The following SMIM3 variants were observed in gnomAD, a reference collection of about 807,000 sequenced individuals.
SMIM3 encodes the protein NGF-induced differentiation clone 67 protein.
Under a neutral mutation model 2.1 loss-of-function variants are expected in SMIM3, and 4 were observed. The observed-to-expected ratio is 1.89, with a 90% confidence interval of 0.93 to 4.31. The LOEUF (loss-of-function observed/expected upper bound fraction) is 4.31. SMIM3 is among the 30% of genes most tolerant of loss of function. The pLI, the probability that SMIM3 is intolerant of heterozygous loss-of-function variation, is 0.01. For missense variants in SMIM3, 79 were observed against 77.7 expected (o/e 1.02, Z -0.06); for synonymous variants, 29 against 30.8 (o/e 0.94, Z 0.19).
At chr5:150,790,801 G>A (rs965843176) in intron 1 of SMIM3, among the ~76,000 whole-genome samples, 3 of 152,180 alleles carry the variant, frequency 2.0e-5, no homozygotes, top group Non-Finnish European at 4.4e-5. Context: ...TGTATGGATT[G>A]AGACCCAGAA....
intron 1 of SMIM3, among the ~76,000 whole-genome samples, chr5:150,792,433 A>C (rs1753358258): frequency 6.6e-6 from 1 of 152,234 alleles, no homozygotes; most frequent in African/African-American, 2.4e-5. Context: ...GATATTTGAC[A>C]ACATCTCTCA....
intron 1 of SMIM3, among the ~76,000 whole-genome samples, chr5:150,781,890 C>T (rs77021941): frequency 0.014 from 2,201 of 152,330 alleles, 46 homozygotes; most frequent in African/African-American, 0.049. Context: ...GGGATTTGGC[C>T]TGGGCTTTCT....
chr5:150,790,411 C>G (rs1318650820), intron 1 of SMIM3, among the ~76,000 whole-genome samples: 2 of 152,112 alleles, frequency 1.3e-5, no homozygotes, highest in African/African-American at 2.4e-5. Context: ...AATGATTTAT[C>G]CCGCCCCCGG....
At chr5:150,792,512 T>G (rs1753359064) in intron 1 of SMIM3, among the ~76,000 whole-genome samples, 1 of 152,234 alleles carries the variant, frequency 6.6e-6, no homozygotes. Context: ...TGCCTTTTGT[T>G]AATGTTATAA....
chr5:150,795,833 T>C lies in SMIM3; in HGVS notation c.*210T>C. 1.7e-6 allele frequency: 1 copy of C among 590,980 alleles called. No individual in the cohort carries two copies. The highest frequency in any genetic ancestry group is 3.0e-6 in the Non-Finnish European group (1 of 334,998). The allele number at this position is 590,980 out of a possible 1,614,324, so 36.6% of individuals were successfully genotyped here. On this transcript the variant is annotated 3_prime_UTR_variant, in exon 2 of 2. Coordinates refer to ENST00000526627, the MANE Select transcript of SMIM3 (RefSeq NM_032947.5). ...TCTTTCAAATGGGGATGGTGATCCCTGCCCTTTCTACCTCATAGGGATGTG... is the reference window on the plus strand; with the variant it reads ...TCTTTCAAATGGGGATGGTGATCCCCGCCCTTTCTACCTCATAGGGATGTG...
At position 150,793,088 on chromosome 5, in the gene SMIM3, T is replaced by C. The variant is rs141961094; in HGVS notation, c.-11-2342T>C. 2.4e-3 allele frequency among the ~76,000 whole-genome samples: 370 copies of C among 152,280 alleles called. 2 individuals carry two copies. The highest frequency in any genetic ancestry group is 8.5e-3 in the African/African-American group (355 of 41,546). ...GTTAGGCCATAAATACATATTAAGT[T>C]GTTTGATTGTGTCATCTATGATTTC... On this transcript the variant is annotated intron_variant, in intron 1 of 1. Transcript: ENST00000526627.
At chr5:150,783,394 C>A (rs1753256620) in intron 1 of SMIM3, among the ~76,000 whole-genome samples, 1 of 152,208 alleles carries the variant, frequency 6.6e-6, no homozygotes, top group Non-Finnish European at 1.5e-5. Context: ...AGTCCTGTGC[C>A]CTGGGAACCA....
intron 1 of SMIM3, among the ~76,000 whole-genome samples, chr5:150,788,900 G>T (rs1403440094): frequency 1.3e-5 from 2 of 152,112 alleles, no homozygotes; most frequent in South Asian, 2.1e-4. Flanking sequence ...TTTTCTGCTG[G>T]TGAGCTCAGG....
chr5:150,790,608 G>A (rs910379970), intron 1 of SMIM3, among the ~76,000 whole-genome samples: 1 of 152,160 alleles, frequency 6.6e-6, no homozygotes, highest in Non-Finnish European at 1.5e-5. Context: ...AACTTGCCCA[G>A]ATCTGCCCAG....
In SMIM3 at chr5:150,790,680, G is replaced by C. The variant is rs1581622722; in HGVS notation, c.-11-4750G>C. 2.0e-5 allele frequency among the ~76,000 whole-genome samples: 3 copies of C among 152,282 alleles called. No individual in the cohort carries two copies. The South Asian group carries it at 6.2e-4, about 32-fold the overall frequency. On this transcript the variant is annotated intron_variant, in intron 1 of 1. Transcript: ENST00000526627. ...CTTAATGCCAGAAAAGGCCTTAGGG[G>C]TCTTAAAGATTTGTTGAGTCCAGAG...
intron 1 of SMIM3, among the ~76,000 whole-genome samples, chr5:150,782,373 C>G (rs1237919026): frequency 6.6e-6 from 1 of 152,158 alleles, no homozygotes; most frequent in African/African-American, 2.4e-5. Flanking sequence ...AACCTGCCCC[C>G]ACTTTTATCA....
intron 1 of SMIM3, among the ~76,000 whole-genome samples, chr5:150,782,603 TG>T (rs2113198755): frequency 6.6e-6 from 1 of 152,198 alleles, no homozygotes; most frequent in Non-Finnish European, 1.5e-5. Context: ...ATGTACAGGG[TG>T]GGCTGGGGAA....
intron 1 of SMIM3, among the ~76,000 whole-genome samples, chr5:150,779,955 C>T (rs1753214851): frequency 6.6e-6 from 1 of 151,940 alleles, no homozygotes. Context: ...TCCTGCTGCA[C>T]CTGGGGGCTG....
chr5:150,792,674 A>G (rs1474555760), intron 1 of SMIM3, among the ~76,000 whole-genome samples: 1 of 152,216 alleles, frequency 6.6e-6, no homozygotes, highest in African/African-American at 2.4e-5. Flanking sequence ...AGCTGGGACT[A>G]CAGATATAAG....
intron 1 of SMIM3, among the ~76,000 whole-genome samples, chr5:150,781,739 C>T (rs757731648): frequency 4.0e-5 from 6 of 151,658 alleles, no homozygotes; most frequent in Non-Finnish European, 8.8e-5. Flanking sequence ...ACTACCACCG[C>T]CCGGTGCTCT....
At chr5:150,782,876 C>G (rs1327023798) in intron 1 of SMIM3, among the ~76,000 whole-genome samples, 1 of 152,128 alleles carries the variant, frequency 6.6e-6, no homozygotes, top group Non-Finnish European at 1.5e-5. Context: ...GTGATAGGTG[C>G]TGAGGACACA....
At chr5:150,791,002 A>T (rs529023581) in intron 1 of SMIM3, among the ~76,000 whole-genome samples, 19 of 152,190 alleles carry the variant, frequency 1.2e-4, no homozygotes, top group Non-Finnish European at 1.9e-4. Flanking sequence ...CCCAGTTGGC[A>T]TAAAAAATTA....
At chr5:150,788,650 GA>G (rs976831442) in intron 1 of SMIM3, among the ~76,000 whole-genome samples, 1 of 141,820 alleles carries the variant, frequency 7.1e-6, no homozygotes. Context: ...AAAAAAAAAA[GA>G]AAAAAAAGAA....
intron 1 of SMIM3, among the ~76,000 whole-genome samples, chr5:150,780,517 C>T (rs1455781714): frequency 6.6e-6 from 1 of 152,184 alleles, no homozygotes; most frequent in African/African-American, 2.4e-5. Flanking sequence ...AGTGACCTCT[C>T]CGAACCTCAG....
Sources: allele counts gnomAD v4.1 joint callset (sites outside exome capture counted in the v4.1 genomes callset), GRCh38; gene constraint gnomAD v4.1.1; transcripts MANE v1.5; gene names NCBI Gene and HGNC (gene_info 2026-07-23, HGNC 2026-07-21).